The following UBR3 variants were observed in gnomAD, a reference collection of about 807,000 sequenced individuals.
The protein encoded by UBR3 is E3 ubiquitin-protein ligase UBR3.
UBR3 carries 85 observed loss-of-function variants against 243.2 expected under a neutral mutation model. The observed-to-expected ratio is 0.35, with a 90% CI of 0.29 to 0.42. The LOEUF is 0.42. Among genes scored for constraint, UBR3 ranks in the 10% least tolerant of loss-of-function variants. The pLI is 1.00. For missense variants in UBR3, 1,686 were observed against 2,300.8 expected, an observed-to-expected ratio of 0.73 and a Z score of 5.47; for synonymous variants, 748 against 799.8, an observed-to-expected ratio of 0.94 and a Z score of 1.09.
chr2:169,859,307 G>A lies in UBR3; in HGVS notation c.546-12929G>A, dbSNP rs145764455. 7.7e-3 allele frequency among the ~76,000 whole-genome samples: 1,165 copies of A among 152,122 alleles called. 11 individuals carry two copies. The highest frequency in any genetic ancestry group is 0.026 in the African/African-American group (1,082 of 41,482). ...AGGATGGTCTCGATCTCCTGACCTC[G>A]TGATCCACCCGCCTCGGCTTCCCAG... On this transcript the variant is annotated intron_variant, in intron 1 of 38. Coordinates refer to ENST00000272793, the MANE Select transcript of UBR3 (RefSeq NM_172070.4).
intron 11 of UBR3, among the ~76,000 whole-genome samples, 189 bp from the exon 12 acceptor site, chr2:169,923,740 T>C (rs184156015): frequency 2.0e-5 from 3 of 152,346 alleles, no homozygotes; most frequent in East Asian, 1.9e-4. Flanking sequence ...AAGAAACTTA[T>C]ACTTAAGTGT....
At chr2:170,033,593 C>T (rs923175009) in intron 31 of UBR3, among the ~76,000 whole-genome samples, 2 of 109,512 alleles carry the variant, frequency 1.8e-5, no homozygotes, top group Admixed American at 1.1e-4. Context: ...CCCCCCCCCC[C>T]CCAATATTTG....
chr2:169,902,281 T>TAGAG, intron 8 of UBR3, among the ~76,000 whole-genome samples: 1 of 152,302 alleles, frequency 6.6e-6, no homozygotes, highest in African/African-American at 2.4e-5. Context: ...CATGGCCATC[T>TAGAG]CTAAGCCTCT....
At chr2:170,071,342 T>C (rs2091693529) in intron 35 of UBR3, among the ~76,000 whole-genome samples, 1 of 152,092 alleles carries the variant, frequency 6.6e-6, no homozygotes, top group Admixed American at 6.6e-5. Flanking sequence ...ATGAACAAAA[T>C]GTGGTATAAC....
At chr2:169,943,084 A>G (rs191427667) in intron 20 of UBR3, among the ~76,000 whole-genome samples, 20 of 152,308 alleles carry the variant, frequency 1.3e-4, no homozygotes, top group Middle Eastern at 3.4e-3. Context: ...TGTGGTTTCT[A>G]TGTGGCAAGA....
At chr2:170,049,209 T>C (rs1434533997) in intron 32 of UBR3, among the ~76,000 whole-genome samples, 1 of 152,230 alleles carries the variant, frequency 6.6e-6, no homozygotes, top group East Asian at 1.9e-4. Context: ...ATTTATGTTA[T>C]ATGTATTACG....
intron 17 of UBR3, 98 bp downstream of exon 17, chr2:169,927,503 A>G (rs1224096944): frequency 2.2e-6 from 2 of 914,778 alleles, no homozygotes; most frequent in Non-Finnish European, 1.6e-6. Flanking sequence ...ATTTTTTTTC[A>G]AAGTTGAAAA....
At chr2:169,977,792 T>C (rs73017653) in intron 24 of UBR3, among the ~76,000 whole-genome samples, 6,525 of 152,284 alleles carry the variant, frequency 0.043, 153 homozygotes, top group Middle Eastern at 0.061. Flanking sequence ...CCACCAGCCA[T>C]CTAGGCATCC....
chr2:169,990,859 G>A (rs1218069767), intron 25 of UBR3, among the ~76,000 whole-genome samples: 1 of 46,358 alleles, frequency 2.2e-5, no homozygotes, highest in African/African-American at 4.5e-5. Context: ...CAAAAAGGAA[G>A]AATTAATTTT....
At chr2:169,890,540 G>GAGATATATATATATATATATATATAT (rs1553504401) in intron 5 of UBR3, among the ~76,000 whole-genome samples, 7 of 75,990 alleles carry the variant, frequency 9.2e-5, no homozygotes, top group African/African-American at 4.5e-4. Flanking sequence ...GAGAGAGAGA[G>GAGATATATATATATATATATATATAT]ATATATATAT....
At position 170,031,965 on chromosome 2, in the gene UBR3, A is replaced by T. The variant is rs1007654263; in HGVS notation, c.4556+2517A>T. 3.9e-5 allele frequency among the ~76,000 whole-genome samples: 6 copies of T among 152,274 alleles called. No individual in the cohort carries two copies. The East Asian group carries it at 1.2e-3, about 29-fold the overall frequency. ...TTTATTCCGTGTCTTTGCTGTTGTG[A>T]ATAGTGCTGTGATGTACATGCAAGT... is the stretch of plus-strand genomic sequence containing the variant. On this transcript the variant is annotated intron_variant, in intron 31 of 38. Transcript: ENST00000272793.
rs1483629056 is a variant in UBR3 at position 169,896,683 on chromosome 2, C to G, written c.1413C>G (p.Val471=). 1.3e-6 allele frequency: 2 copies of G among 1,551,098 alleles called. No individual in the cohort carries two copies. The highest frequency in any genetic ancestry group is 3.9e-5 in the Admixed American group (2 of 50,972). ...AATGTCAGCTGCTGGATATTATGGT[C>G]ACTGTGCTATTATACATGATGGAAA... ...TEECQLLDIM[V]TVLLYMMESC... is the part of the protein sequence containing the mutation. The change falls in exon 8 of 39, where the codon GTC becomes GTG. Residue 471 remains valine (V), a synonymous_variant. Transcript: ENST00000272793.
At chr2:169,876,369 T>A (rs113747412) in intron 3 of UBR3, among the ~76,000 whole-genome samples, 6,634 of 152,204 alleles carry the variant, frequency 0.044, 166 homozygotes, top group Middle Eastern at 0.068. Context: ...CGTGAGCCAC[T>A]GCGCCTGGCA....
chr2:169,863,366 G>T (rs1009303544), intron 1 of UBR3, among the ~76,000 whole-genome samples: 3 of 152,092 alleles, frequency 2.0e-5, no homozygotes, highest in Admixed American at 2.0e-4. Flanking sequence ...ATTTGTTATC[G>T]GTTATGCTTC....
Position 169,925,846 on chromosome 2 carries a change from C to T in UBR3, c.2151+99C>T, listed in dbSNP as rs61092155. On this transcript the variant is annotated intron_variant, in intron 14 of 38. Transcript: ENST00000272793. The stretch of plus-strand genomic sequence containing the variant: ...GTGACTGCGTGATGACATGGAGAGG[C>T]CAATGCCATTGAAAGAATAATTTTT... The T allele has an allele frequency of 0.029, 31,179 of 1,087,472 alleles. 845 individuals are homozygous for T. The highest frequency in any genetic ancestry group is 0.13 in the African/African-American group (8,169 of 61,008). The allele number at this position is 1,087,472 out of a possible 1,614,324, so 67.4% of individuals were successfully genotyped here.
chr2:170,036,417 G>C (rs2090833583), intron 31 of UBR3, among the ~76,000 whole-genome samples: 1 of 152,018 alleles, frequency 6.6e-6, no homozygotes, highest in African/African-American at 2.4e-5. Context: ...TGCTAGGAAA[G>C]ATCCATTTCT....
chr2:170,001,316 T>C lies in UBR3; in HGVS notation c.3931T>C (p.Leu1311=), dbSNP rs1031983940. Residue 1311 remains leucine (L), a synonymous_variant, in exon 27 of 39, where the codon TTG becomes CTG. Transcript: ENST00000272793. ...TTTTATTTTGAAGAGTTCATGTCTC[T>C]TGGCAGTATCAATTGGCTGGGAAGG... The part of the protein sequence containing the change: ...QRYFKDSSCL[L]AVSIGWEGGV... 6.2e-7 allele frequency: 1 copy of C among 1,611,596 alleles called. No homozygotes were observed. The highest frequency in any genetic ancestry group is 1.3e-5 in the African/African-American group (1 of 74,876).
intron 2 of UBR3, among the ~76,000 whole-genome samples, chr2:169,875,512 G>A (rs1424349379): frequency 6.6e-6 from 1 of 152,048 alleles, no homozygotes; most frequent in East Asian, 1.9e-4. Flanking sequence ...GTATTTAAAT[G>A]CTTCTTACAC....
At chr2:170,019,877 G>A (rs2090344469) in intron 30 of UBR3, among the ~76,000 whole-genome samples, 1 of 152,204 alleles carries the variant, frequency 6.6e-6, no homozygotes, top group East Asian at 1.9e-4. Flanking sequence ...CTGGGCTCAA[G>A]CATTCCTTCC....
Sources: allele counts gnomAD v4.1 joint callset (sites outside exome capture counted in the v4.1 genomes callset), GRCh38; gene constraint gnomAD v4.1.1; transcripts MANE v1.5; gene names NCBI Gene and HGNC (gene_info 2026-07-23, HGNC 2026-07-21).